SLC60A1: variants seen among roughly 807,000 people sequenced by gnomAD.
SLC60A1 encodes major facilitator superfamily domain containing 4.
At chr1:205,579,635 C>G in the SLC60A1 span, 1 of 1,211,616 alleles carries the variant, frequency 8.3e-7, no homozygotes, top group Non-Finnish European at 1.2e-6. Context: ...AGCTCTCTTC[C>G]TTTTCTACCA....
At chr1:205,575,360 C>T in the SLC60A1 span, among the ~76,000 whole-genome samples, 1 of 152,184 alleles carries the variant, frequency 6.6e-6, no homozygotes, top group Non-Finnish European at 1.5e-5. Flanking sequence ...CTGGGACAAA[C>T]ATGTGAAGAG....
the SLC60A1 span, chr1:205,601,579 T>G: frequency 6.6e-6 from 1 of 152,180 alleles, no homozygotes; most frequent in East Asian, 1.9e-4. Flanking sequence ...TTTTACATCT[T>G]TTTTTGTTTT....
chr1:205,574,272 C>G, the SLC60A1 span, among the ~76,000 whole-genome samples: 2 of 151,754 alleles, frequency 1.3e-5, no homozygotes, highest in African/African-American at 2.4e-5. Context: ...CACAGTGAGA[C>G]CTTGTCTCAA....
chr1:205,602,890 C>G, the SLC60A1 span: 1 of 152,080 alleles, frequency 6.6e-6, no homozygotes, highest in Non-Finnish European at 1.5e-5. Flanking sequence ...TCTAAGAGTA[C>G]CTTTCCTAAA....
chr1:205,572,370 C>T, the SLC60A1 span, among the ~76,000 whole-genome samples: 1 of 152,174 alleles, frequency 6.6e-6, no homozygotes, highest in East Asian at 1.9e-4. Flanking sequence ...CCCAGCCTCA[C>T]CTTGGCCTCT....
chr1:205,593,697 T>A, the SLC60A1 span, among the ~76,000 whole-genome samples: 1 of 152,140 alleles, frequency 6.6e-6, no homozygotes, highest in South Asian at 2.1e-4. Flanking sequence ...GAATTTTTTT[T>A]ATTATATAAG....
the SLC60A1 span, chr1:205,585,083 G>A: frequency 1.8e-6 from 2 of 1,112,062 alleles, no homozygotes; most frequent in Non-Finnish European, 2.7e-6. This position sits in a 1 kb window ranked among gnomAD's most constrained non-coding sequence, Gnocchi z 4.2. Context: ...GGAGCATGAA[G>A]GTTTCCTGGA....
At chr1:205,589,208 G>A in the SLC60A1 span, among the ~76,000 whole-genome samples, 1 of 152,210 alleles carries the variant, frequency 6.6e-6, no homozygotes, top group Non-Finnish European at 1.5e-5. Context: ...AGGCTCCTAA[G>A]TTGAACACTG....
At chr1:205,574,577 A>G in the SLC60A1 span, among the ~76,000 whole-genome samples, 1 of 152,192 alleles carries the variant, frequency 6.6e-6, no homozygotes, top group African/African-American at 2.4e-5. Context: ...CTTGGAGCCC[A>G]CACTGTGGAG....
At chr1:205,581,100 C>G in the SLC60A1 span, among the ~76,000 whole-genome samples, 1 of 152,234 alleles carries the variant, frequency 6.6e-6, no homozygotes, top group African/African-American at 2.4e-5. This position sits in a 1 kb window ranked among gnomAD's most constrained non-coding sequence, Gnocchi z 4.2. Context: ...CACTACTCCA[C>G]CATCCTTCAG....
chr1:205,597,945 T>A, the SLC60A1 span: 3 of 1,310,306 alleles, frequency 2.3e-6, no homozygotes, highest in East Asian at 4.7e-5. Context: ...ACTCAAACTG[T>A]CCCTTTCCTG....
the SLC60A1 span, among the ~76,000 whole-genome samples, chr1:205,591,385 G>A: frequency 1.3e-5 from 2 of 151,736 alleles, no homozygotes; most frequent in Non-Finnish European, 2.9e-5. Flanking sequence ...AGGAGGCTGA[G>A]GTGGGAGGAA....
At chr1:205,581,425 G>A in the SLC60A1 span, among the ~76,000 whole-genome samples, 1 of 152,228 alleles carries the variant, frequency 6.6e-6, no homozygotes, top group African/African-American at 2.4e-5. The surrounding 1 kb of genome is among the most constrained non-coding windows in gnomAD (Gnocchi z 4.2). Flanking sequence ...ACTTCACCCC[G>A]TGACTGCGTC....
At chr1:205,587,327 T>C in the SLC60A1 span, among the ~76,000 whole-genome samples, 3 of 152,108 alleles carry the variant, frequency 2.0e-5, no homozygotes, top group African/African-American at 4.8e-5. Flanking sequence ...ATTTCCTTGG[T>C]TGAATTTCTA....
At chr1:205,585,284 AT>A in the SLC60A1 span, among the ~76,000 whole-genome samples, 68 of 152,204 alleles carry the variant, frequency 4.5e-4, no homozygotes, top group East Asian at 0.013. The surrounding 1 kb of genome is among the most constrained non-coding windows in gnomAD (Gnocchi z 4.2). Flanking sequence ...GGCTACCTGC[AT>A]TTTTTAAAGG....
chr1:205,587,433 C>A, the SLC60A1 span, among the ~76,000 whole-genome samples: 2 of 152,112 alleles, frequency 1.3e-5, no homozygotes, highest in South Asian at 4.2e-4. Flanking sequence ...CCAGTTGACC[C>A]CCAAGAAAGA....
chr1:205,599,350 C>G, the SLC60A1 span: 1 of 1,443,416 alleles, frequency 6.9e-7, no homozygotes, highest in Non-Finnish European at 9.4e-7. Context: ...GTGCCAGAAA[C>G]GCTGCTCTGT....
chr1:205,589,891 G>A, the SLC60A1 span, among the ~76,000 whole-genome samples: 8 of 152,208 alleles, frequency 5.3e-5, no homozygotes, highest in Non-Finnish European at 7.3e-5. Flanking sequence ...TGGATCTGGA[G>A]CAGTACAAGG....
At chr1:205,591,176 G>C in the SLC60A1 span, among the ~76,000 whole-genome samples, 1 of 152,176 alleles carries the variant, frequency 6.6e-6, no homozygotes, top group African/African-American at 2.4e-5. Flanking sequence ...GTATGACAGA[G>C]ACCTTTACTG....
Sources: gnomAD v4.1 joint callset for allele counts (sites outside exome capture counted in the v4.1 genomes callset) on GRCh38, gnomAD v4.1.1 for gene constraint, Gnocchi (gnomAD v3.1) non-coding constraint, MANE v1.5 for transcripts, NCBI Gene and HGNC (gene_info 2026-07-23, HGNC 2026-07-21) for gene names.